Variants in ADAMTS14 observed in about 807,000 individuals in gnomAD.
ADAMTS14 encodes A disintegrin and metalloproteinase with thrombospondin motifs 14.
Under a neutral mutation model 128.6 loss-of-function variants are expected in ADAMTS14, and 100 were observed. The ratio of observed to expected loss-of-function variants is 0.78; its 90% CI spans 0.66 to 0.92. The LOEUF (loss-of-function observed/expected upper bound fraction) is 0.92, where lower values mean the gene tolerates loss of function less well. ADAMTS14 is among the 40% of genes least tolerant of loss of function. ADAMTS14 has a pLI of 0.00. For missense variants in ADAMTS14, 1,562 were observed against 1,658.6 expected (o/e 0.94, Z 1.01); for synonymous variants, 665 against 653.8 (o/e 1.02, Z -0.26).
chr10:70,732,198 T>A, intron 6 of ADAMTS14, 56 bp from the exon 7 acceptor site: 1 of 1,485,800 alleles, frequency 6.7e-7, no homozygotes, highest in African/African-American at 1.4e-5. Flanking sequence ...CCTCAGTGTG[T>A]CCTGCCTCAC....
chr10:70,733,804 G>C, intron 7 of ADAMTS14, 81 bp from the exon 8 acceptor site: 6 of 1,536,034 alleles, frequency 3.9e-6, no homozygotes, highest in South Asian at 2.5e-5. Context: ...AGGGTCTCCT[G>C]CTGCTGGCCT....
chr10:70,741,227 A>G, intron 12 of ADAMTS14, 65 bp downstream of exon 12: 2 of 1,554,988 alleles, frequency 1.3e-6, no homozygotes, highest in Non-Finnish European at 1.8e-6. Context: ...GTGTGTGCCC[A>G]GGCAGGGCCT....
chr10:70,731,719 G>A (rs1589310999), intron 6 of ADAMTS14, among the ~76,000 whole-genome samples: 2 of 151,916 alleles, frequency 1.3e-5, no homozygotes, highest in Admixed American at 6.6e-5. Context: ...CAGCTCCCCC[G>A]CTGCACCCTG....
At chr10:70,731,240 CAA>C (rs1363001473) in intron 6 of ADAMTS14, among the ~76,000 whole-genome samples, 1 of 151,334 alleles carries the variant, frequency 6.6e-6, no homozygotes, top group Non-Finnish European at 1.5e-5. Flanking sequence ...TGTAGAGACA[CAA>C]AGACACATGT....
Position 70,760,972 on chromosome 10 carries a change from CCTT to C in ADAMTS14, c.*125_*127del, listed in dbSNP as rs1201825801. ...CACAGACTTCATTTTAAATCATTCG[CCTT>C]CTTCTCGTTTGGGGCTGTGATGCTC... On this transcript the variant is annotated 3_prime_UTR_variant, in exon 22 of 22. Transcript: ENST00000373207. 24 of 1,354,600 alleles carry C rather than the reference CCTT, an allele frequency of 1.8e-5. No individual in the cohort carries two copies. The Admixed American group carries it at 2.3e-4, about 13-fold the overall frequency. 83.9% of individuals were successfully genotyped at this position (1,354,600 alleles called of 1,614,324 possible). A position where few individuals can be genotyped will look rare whatever the true frequency, so the allele number is the denominator to read the frequency against.
At chr10:70,693,770 T>G (rs781227348) in intron 2 of ADAMTS14, among the ~76,000 whole-genome samples, 3 of 152,094 alleles carry the variant, frequency 2.0e-5, no homozygotes, top group Non-Finnish European at 4.4e-5. Flanking sequence ...TCTTCCAGGG[T>G]GTGGGGCCTG....
At chr10:70,690,990 C>G (rs1840167004) in intron 2 of ADAMTS14, among the ~76,000 whole-genome samples, 1 of 144,750 alleles carries the variant, frequency 6.9e-6, no homozygotes, top group South Asian at 2.2e-4. Context: ...AGCCTCAGAG[C>G]CGCTTGGCTC....
chr10:70,693,627 C>T (rs1235373315), intron 2 of ADAMTS14, among the ~76,000 whole-genome samples: 2 of 152,168 alleles, frequency 1.3e-5, no homozygotes, highest in Non-Finnish European at 2.9e-5. Flanking sequence ...AGTGGTGGAG[C>T]CAGCATTTGA....
At chr10:70,715,511 C>T (rs1841010514) in intron 4 of ADAMTS14, among the ~76,000 whole-genome samples, 1 of 151,944 alleles carries the variant, frequency 6.6e-6, no homozygotes, top group Non-Finnish European at 1.5e-5. Flanking sequence ...AGGGTCAGCT[C>T]AAATGATGGG....
intron 10 of ADAMTS14, among the ~76,000 whole-genome samples, chr10:70,737,243 C>T (rs191579916): frequency 6.6e-6 from 1 of 152,314 alleles, no homozygotes; most frequent in East Asian, 1.9e-4. Context: ...GTTCTCCCCA[C>T]ACCAACCTCC....
In ADAMTS14 at chr10:70,712,208, G is replaced by T. The variant is rs1193364169; in HGVS notation, c.870+3430G>T. On this transcript the variant is annotated intron_variant, in intron 4 of 21. Transcript: ENST00000373207. ...TAGTAGGAGGCCACGCTGAGAGCCA[G>T]GTTTGGCCCCTGGAGCCAGCAGGTG... Among the ~76,000 whole-genome samples the T allele has an allele frequency of 2.6e-5, 4 of 152,220 alleles. No individual in the cohort carries two copies. In the East Asian group the frequency reaches 7.7e-4, roughly 29 times the overall value.
chr10:70,692,777 A>C (rs185040387), intron 2 of ADAMTS14, among the ~76,000 whole-genome samples: 2 of 152,118 alleles, frequency 1.3e-5, no homozygotes, highest in South Asian at 4.1e-4. Flanking sequence ...ATCATCCTCT[A>C]TCAGTCCCCT....
chr10:70,685,636 C>T (rs1463949120), intron 2 of ADAMTS14, among the ~76,000 whole-genome samples: 1 of 152,130 alleles, frequency 6.6e-6, no homozygotes, highest in Non-Finnish European at 1.5e-5. Context: ...ACGCAAGGAC[C>T]AAGGTTCCTG....
At chr10:70,750,598 G>A (rs1223754442) in intron 16 of ADAMTS14, among the ~76,000 whole-genome samples, 2 of 152,196 alleles carry the variant, frequency 1.3e-5, no homozygotes, top group African/African-American at 2.4e-5. Flanking sequence ...ACCAGCTGGG[G>A]GGCTCCTGGA....
chr10:70,745,446 C>A, intron 15 of ADAMTS14, 140 bp downstream of exon 15: 1 of 904,104 alleles, frequency 1.1e-6, no homozygotes, highest in Non-Finnish European at 1.7e-6. Flanking sequence ...ACCCCCTTTT[C>A]ATTTTATTTT....
chr10:70,732,494 A>G, intron 7 of ADAMTS14, 135 bp downstream of exon 7: 2 of 741,254 alleles, frequency 2.7e-6, no homozygotes, highest in Non-Finnish European at 4.4e-6. Flanking sequence ...CTGGACTGCC[A>G]CTGCGGCATG....
At chr10:70,728,439 T>A (rs554507655) in intron 4 of ADAMTS14, among the ~76,000 whole-genome samples, 2 of 152,280 alleles carry the variant, frequency 1.3e-5, no homozygotes, top group African/African-American at 4.8e-5. Flanking sequence ...CAAGGTTATT[T>A]AAAACAAAAA....
At chr10:70,688,722 C>T (rs1351383840) in intron 2 of ADAMTS14, among the ~76,000 whole-genome samples, 7 of 90,962 alleles carry the variant, frequency 7.7e-5, no homozygotes, top group African/African-American at 1.5e-4. Context: ...TCAGGCGTGG[C>T]GGCGCGTGCC....
chr10:70,709,747 G>A (rs968131300), intron 4 of ADAMTS14, among the ~76,000 whole-genome samples: 5 of 152,102 alleles, frequency 3.3e-5, no homozygotes, highest in African/African-American at 7.2e-5. Context: ...TGATCCGCCC[G>A]CCTCAGCCTC....
Sources: gnomAD v4.1 joint callset for allele counts (sites outside exome capture counted in the v4.1 genomes callset) on GRCh38, gnomAD v4.1.1 for gene constraint, MANE v1.5 for transcripts, NCBI Gene and HGNC (gene_info 2026-07-23, HGNC 2026-07-21) for gene names.